SGCZ: variants seen among roughly 807,000 people sequenced by gnomAD.
The protein encoded by SGCZ is zeta-sarcoglycan.
SGCZ carries 40 observed loss-of-function variants against 41.3 expected under a neutral mutation model. The observed-to-expected ratio is 0.97, with a 90% CI of 0.75 to 1.26. The LOEUF is 1.26. Among genes scored for constraint, SGCZ ranks in the 50% most tolerant of loss-of-function variants. The pLI is 0.00. For missense variants in SGCZ, 552 were observed against 369.8 expected, an observed-to-expected ratio of 1.49 and a Z score of -4.04; for synonymous variants, 206 against 137.5, an observed-to-expected ratio of 1.50 and a Z score of -3.49.
intron 1 of SGCZ, among the ~76,000 whole-genome samples, chr8:14,770,451 G>C (rs1340484891): frequency 6.6e-6 from 1 of 151,584 alleles, no homozygotes; most frequent in Non-Finnish European, 1.5e-5. Flanking sequence ...GGTAAGGAGA[G>C]GGAGGTAAAC....
At chr8:14,792,448 T>C (rs541948436) in intron 1 of SGCZ, among the ~76,000 whole-genome samples, 159 of 152,322 alleles carry the variant, frequency 1.0e-3, no homozygotes, top group Non-Finnish European at 1.9e-3. Context: ...TTTCCATTCA[T>C]GCTTCTATCC....
At chr8:14,302,153 T>A (rs1270250627) in intron 3 of SGCZ, among the ~76,000 whole-genome samples, 1 of 115,192 alleles carries the variant, frequency 8.7e-6, no homozygotes, top group East Asian at 2.6e-4. Context: ...GTTATATTAA[T>A]TTTTTTATTC....
chr8:15,210,029 G>A lies in SGCZ; in HGVS notation c.39+27556C>T, dbSNP rs181261859. On this transcript the variant is annotated intron_variant, in intron 1 of 7. Coordinates refer to ENST00000382080, the MANE Select transcript of SGCZ (RefSeq NM_139167.4). ...TCTTTCCCATCAGGTAATGTGTTTCGAAAACACAATACTTCTTACTCATTA... is the reference window on the plus strand; with the variant it reads ...TCTTTCCCATCAGGTAATGTGTTTCAAAAACACAATACTTCTTACTCATTA... Among the ~76,000 whole-genome samples the A allele has an allele frequency of 1.7e-3, 262 of 152,084 alleles. 2 individuals carry two copies. The highest frequency in any genetic ancestry group is 5.9e-3 in the African/African-American group (243 of 41,530).
intron 1 of SGCZ, among the ~76,000 whole-genome samples, chr8:14,766,727 A>ATTTTTTTTTTTT (rs33955290): frequency 3.3e-4 from 31 of 92,776 alleles, no homozygotes; most frequent in African/African-American, 4.5e-4. Flanking sequence ...ATGTCCAGCT[A>ATTTTTTTTTTTT]TTTTTTTTTT....
chr8:14,666,488 C>G (rs566810783), intron 1 of SGCZ, among the ~76,000 whole-genome samples: 1 of 152,250 alleles, frequency 6.6e-6, no homozygotes, highest in African/African-American at 2.4e-5. Flanking sequence ...GCTTAACAAA[C>G]AGCAGGTTGA....
chr8:14,115,770 G>C (rs1585148138), intron 5 of SGCZ, among the ~76,000 whole-genome samples: 1 of 149,596 alleles, frequency 6.7e-6, no homozygotes, highest in East Asian at 2.0e-4. Context: ...TCTCCCATCA[G>C]TTACACCATA....
At chr8:15,178,353 A>G (rs751806055) in intron 1 of SGCZ, among the ~76,000 whole-genome samples, 14 of 152,280 alleles carry the variant, frequency 9.2e-5, no homozygotes, top group Non-Finnish European at 1.9e-4. Flanking sequence ...TGTAGCGCAG[A>G]GATCTGAGTT....
intron 1 of SGCZ, among the ~76,000 whole-genome samples, chr8:14,760,819 T>C (rs2130353884): frequency 6.6e-6 from 1 of 152,354 alleles, no homozygotes; most frequent in African/African-American, 2.4e-5. Flanking sequence ...GTTTATTTGT[T>C]GTTCATTTGA....
intron 1 of SGCZ, among the ~76,000 whole-genome samples, chr8:15,009,639 T>C (rs1802757109): frequency 2.0e-5 from 3 of 152,160 alleles, no homozygotes; most frequent in Non-Finnish European, 2.9e-5. Flanking sequence ...TGACTGTCAA[T>C]GATATCGAGA....
chr8:14,760,737 A>T (rs1461122762), intron 1 of SGCZ, among the ~76,000 whole-genome samples: 1 of 152,242 alleles, frequency 6.6e-6, no homozygotes. Flanking sequence ...GCAAGCTAAC[A>T]GTTATTCAGT....
chr8:14,791,860 C>G (rs1478343942), intron 1 of SGCZ, among the ~76,000 whole-genome samples: 1 of 152,200 alleles, frequency 6.6e-6, no homozygotes, highest in Non-Finnish European at 1.5e-5. Flanking sequence ...AACCCATGGT[C>G]TGCTTTGCGT....
chr8:14,928,175 G>C (rs1318023110), intron 1 of SGCZ, among the ~76,000 whole-genome samples: 1 of 152,120 alleles, frequency 6.6e-6, no homozygotes, highest in Non-Finnish European at 1.5e-5. Context: ...GATTATCTCT[G>C]AGTAATAAGG....
intron 1 of SGCZ, among the ~76,000 whole-genome samples, chr8:15,011,151 G>C (rs760062597): frequency 6.6e-6 from 1 of 152,118 alleles, no homozygotes; most frequent in Middle Eastern, 3.2e-3. Context: ...GGGTTATTTA[G>C]AGAGAAATTT....
At chr8:14,799,036 T>C (rs1482648821) in intron 1 of SGCZ, among the ~76,000 whole-genome samples, 2 of 151,906 alleles carry the variant, frequency 1.3e-5, no homozygotes, top group South Asian at 2.1e-4. Context: ...ATTTTCTTGA[T>C]CTCAAAAATA....
intron 2 of SGCZ, among the ~76,000 whole-genome samples, chr8:14,471,219 T>C (rs190535659): frequency 6.6e-6 from 1 of 152,302 alleles, no homozygotes; most frequent in South Asian, 2.1e-4. Context: ...GTTCAGAATA[T>C]AGACAATCTG....
At chr8:14,702,430 T>C (rs1246281499) in intron 1 of SGCZ, among the ~76,000 whole-genome samples, 2 of 152,044 alleles carry the variant, frequency 1.3e-5, no homozygotes, top group Non-Finnish European at 2.9e-5. Flanking sequence ...ATAGATTATA[T>C]CTACGACTAA....
chr8:15,039,344 CATT>C (rs1402069598), intron 1 of SGCZ, among the ~76,000 whole-genome samples: 2 of 152,112 alleles, frequency 1.3e-5, no homozygotes, highest in East Asian at 3.9e-4. Flanking sequence ...ACCCAGATGA[CATT>C]ATGTTAAGTG....
chr8:14,987,977 T>C (rs1309294377), intron 1 of SGCZ, among the ~76,000 whole-genome samples: 1 of 152,006 alleles, frequency 6.6e-6, no homozygotes, highest in Non-Finnish European at 1.5e-5. Context: ...TGAATTTAAT[T>C]ACAATAATCA....
At chr8:14,200,834 G>C (rs2117069567) in intron 4 of SGCZ, among the ~76,000 whole-genome samples, 1 of 152,156 alleles carries the variant, frequency 6.6e-6, no homozygotes, top group African/African-American at 2.4e-5. Flanking sequence ...CTTTAAAACA[G>C]ACTGTTAAAG....
Sources: allele counts gnomAD v4.1 joint callset (sites outside exome capture counted in the v4.1 genomes callset), GRCh38; gene constraint gnomAD v4.1.1; transcripts MANE v1.5; gene names NCBI Gene and HGNC (gene_info 2026-07-23, HGNC 2026-07-21).